PCDHA5: variants seen among roughly 807,000 people sequenced by gnomAD.
The protein encoded by PCDHA5 is protocadherin alpha-5.
A neutral mutation model predicts 61.6 loss-of-function variants in PCDHA5; 43 were observed. The observed-to-expected ratio is 0.70, with a 90% confidence interval of 0.55 to 0.90. The LOEUF (loss-of-function observed/expected upper bound fraction) is 0.90, where lower values mean the gene tolerates loss of function less well. PCDHA5 is among the 40% of genes least tolerant of loss of function. The pLI is 0.00. For synonymous variants in PCDHA5, 627 were observed against 543.9 expected (o/e 1.15, Z -2.13); for missense variants, 1,298 against 1,222.7 (o/e 1.06, Z -0.92).
In PCDHA5 at chr5:140,848,578, G is replaced by A. The variant is rs148489343; in HGVS notation, c.2352+24451G>A. On this transcript the variant is annotated intron_variant, in intron 1 of 3. Transcript: ENST00000529859. ...ATCCTCGCAATGTGGGTGGTGGGGA[G>A]CGGCCAGCTCCACTACTCCGTCCCG... 4 of 1,595,522 alleles carry A rather than the reference G, an allele frequency of 2.5e-6. 1 individual carries two copies. In the African/African-American group the frequency reaches 4.0e-5, roughly 16 times the overall value.
chr5:140,919,357 G>C (rs1158844072), intron 1 of PCDHA5, among the ~76,000 whole-genome samples: 3 of 152,148 alleles, frequency 2.0e-5, no homozygotes, highest in Non-Finnish European at 4.4e-5. Flanking sequence ...GAATCTAAAA[G>C]TGTCTCCTGC....
chr5:140,961,135 A>T (rs1554225235), intron 1 of PCDHA5, among the ~76,000 whole-genome samples: 2 of 152,186 alleles, frequency 1.3e-5, no homozygotes, highest in African/African-American at 4.8e-5. Flanking sequence ...TTGGCACTTA[A>T]GAGTTGGCAT....
At chr5:140,889,745 T>G (rs1295441616) in intron 1 of PCDHA5, among the ~76,000 whole-genome samples, 2 of 152,202 alleles carry the variant, frequency 1.3e-5, no homozygotes, top group Non-Finnish European at 2.9e-5. Flanking sequence ...CAGAGTCTAA[T>G]TTTTCTTTCC....
At chr5:140,966,692 G>A in intron 1 of PCDHA5, 2 of 1,352,080 alleles carry the variant, frequency 1.5e-6, no homozygotes, top group East Asian at 2.9e-5. Context: ...CGGAGGCGGG[G>A]CCCGGGCGTG....
chr5:140,994,209 A>G (rs2097604620), intron 3 of PCDHA5, among the ~76,000 whole-genome samples: 1 of 152,142 alleles, frequency 6.6e-6, no homozygotes, highest in Non-Finnish European at 1.5e-5. Flanking sequence ...CCAGAATGGG[A>G]CCCAGGGTCT....
At chr5:140,923,950 C>T (rs544576500) in intron 1 of PCDHA5, among the ~76,000 whole-genome samples, 3 of 152,266 alleles carry the variant, frequency 2.0e-5, no homozygotes, top group Admixed American at 6.5e-5. Flanking sequence ...TTTTTCCTCA[C>T]GCCCTAATCT....
chr5:140,906,023 G>A (rs952070346), intron 1 of PCDHA5, among the ~76,000 whole-genome samples: 7 of 152,128 alleles, frequency 4.6e-5, no homozygotes, highest in Admixed American at 3.3e-4. Flanking sequence ...ATCTCTCCAC[G>A]TTCTTCTGTC....
intron 1 of PCDHA5, chr5:140,968,548 G>T: frequency 6.2e-7 from 1 of 1,614,174 alleles, no homozygotes; most frequent in Non-Finnish European, 8.5e-7. Context: ...TCGAGATGGT[G>T]CCTCGAACTG....
chr5:140,829,400 G>T (rs2150167159), intron 1 of PCDHA5: 1 of 1,614,056 alleles, frequency 6.2e-7, no homozygotes, highest in East Asian at 2.2e-5. Context: ...TTCGCTGTGG[G>T]CCACCGCCAG....
intron 1 of PCDHA5, chr5:140,877,053 G>A: frequency 1.9e-6 from 3 of 1,612,784 alleles, no homozygotes; most frequent in African/African-American, 1.3e-5. Context: ...ACCACGAGGA[G>A]CTGGAGCTGC....
At chr5:140,928,495 A>G in intron 1 of PCDHA5, 2 of 1,614,206 alleles carry the variant, frequency 1.2e-6, no homozygotes, top group South Asian at 1.1e-5. Flanking sequence ...CATTCCTCCC[A>G]GAAGTGCAAC....
At chr5:140,968,795 A>G in intron 1 of PCDHA5, 2 of 1,614,210 alleles carry the variant, frequency 1.2e-6, no homozygotes, top group Non-Finnish European at 1.7e-6. Context: ...TGTGGCCATT[A>G]CAGTAGCTGT....
chr5:140,863,047 C>T, intron 1 of PCDHA5: 1 of 560,864 alleles, frequency 1.8e-6, no homozygotes. Context: ...TGTCAGCTGG[C>T]AGCACCCGTT....
At chr5:140,953,900 C>G (rs1040959969) in intron 1 of PCDHA5, among the ~76,000 whole-genome samples, 4 of 152,126 alleles carry the variant, frequency 2.6e-5, no homozygotes, top group Non-Finnish European at 5.9e-5. Context: ...GTATTAAGCC[C>G]AGCATCCATT....
At chr5:140,877,311 G>A (rs200978234) in intron 1 of PCDHA5, 2 of 1,613,852 alleles carry the variant, frequency 1.2e-6, no homozygotes, top group Admixed American at 3.3e-5. Flanking sequence ...AGTTGCAACC[G>A]GCGGCGGTCG....
intron 1 of PCDHA5, among the ~76,000 whole-genome samples, chr5:140,923,640 T>G (rs2081459480): frequency 6.6e-6 from 1 of 152,234 alleles, no homozygotes; most frequent in African/African-American, 2.4e-5. Flanking sequence ...GCAAAAATCT[T>G]TAGCCTCCCT....
rs202138902 is a variant in PCDHA5, at chr5:140,823,371, C to T, written c.1596C>T (p.Phe532=). The change falls in exon 1 of 4, where the codon TTC becomes TTT. Residue 532 remains phenylalanine (F), a synonymous_variant. Transcript: ENST00000529859. ...LDHEEVELLQ[F]QVSARDAGVP... ...ACGAGGAAGTGGAGCTGCTGCAGTT[C>T]CAGGTGAGCGCGCGCGACGCGGGCG... is the stretch of plus-strand genomic sequence containing the variant. The T allele has an allele frequency of 1.2e-5, 20 of 1,612,612 alleles. No individual in the cohort carries two copies. Among genetic ancestry groups the T allele is most frequent in the Middle Eastern group, 1.8e-4 (1 of 5,540 alleles).
At chr5:140,962,543 G>T (rs962454688) in intron 1 of PCDHA5, among the ~76,000 whole-genome samples, 1 of 152,176 alleles carries the variant, frequency 6.6e-6, no homozygotes, top group Non-Finnish European at 1.5e-5. Flanking sequence ...AACTAAAAAT[G>T]TAGAGGATCT....
In PCDHA5 at chr5:140,849,164, T is replaced by A. The variant is rs2150431781; in HGVS notation, c.2352+25037T>A. On this transcript the variant is annotated intron_variant, in intron 1 of 3. Transcript: ENST00000529859. The stretch of plus-strand genomic sequence containing the variant: ...CCGATGGAGGCAAACCCGAGCTGAC[T>A]GGCACCGTTCAATTACTCATCACGG... 2.2e-5 allele frequency: 26 copies of A among 1,167,304 alleles called. No homozygotes were observed. In the East Asian group the frequency reaches 6.1e-4, roughly 28 times the overall value. 72.3% of individuals were successfully genotyped at this position (1,167,304 alleles called of 1,614,324 possible).
Sources: gnomAD v4.1 joint callset for allele counts (sites outside exome capture counted in the v4.1 genomes callset) on GRCh38, gnomAD v4.1.1 for gene constraint, MANE v1.5 for transcripts, NCBI Gene and HGNC (gene_info 2026-07-23, HGNC 2026-07-21) for gene names.